The following NPHP1 variants were observed in gnomAD, a reference collection of about 807,000 sequenced individuals.
NPHP1 encodes the protein nephrocystin 1.
In NPHP1, 70 loss-of-function variants were observed where a neutral mutation model predicts 90.4. The observed-to-expected ratio is 0.77, with a 90% confidence interval of 0.64 to 0.95. NPHP1 has a LOEUF of 0.95. NPHP1 is among the 40% of genes least tolerant of loss of function. The pLI is 0.00. For synonymous variants in NPHP1, 256 were observed against 271.7 expected (o/e 0.94, Z 0.57); for missense variants, 764 against 795.9 (o/e 0.96, Z 0.48).
At chr2:110,136,721 T>C (rs953712204) in intron 16 of NPHP1, among the ~76,000 whole-genome samples, 4 of 152,040 alleles carry the variant, frequency 2.6e-5, no homozygotes, top group Admixed American at 2.6e-4. Context: ...ACAGGAAGAA[T>C]CAATATTGTG....
At chr2:110,199,302 C>T (rs1277998465) in intron 2 of NPHP1, among the ~76,000 whole-genome samples, 1 of 151,652 alleles carries the variant, frequency 6.6e-6, no homozygotes, top group Non-Finnish European at 1.5e-5. Context: ...AGTGTGATGG[C>T]GTGAGCCTGT....
chr2:110,133,057 A>G (rs776011486), intron 16 of NPHP1, among the ~76,000 whole-genome samples: 5 of 152,174 alleles, frequency 3.3e-5, no homozygotes, highest in Non-Finnish European at 5.9e-5. Flanking sequence ...GTCCTTCTCT[A>G]TTAGTAATCA....
chr2:110,174,454 C>T (rs780078128), intron 4 of NPHP1, among the ~76,000 whole-genome samples: 7 of 152,162 alleles, frequency 4.6e-5, no homozygotes, highest in Non-Finnish European at 1.0e-4. Context: ...TTAAATATCA[C>T]ATTTCACCAA....
At chr2:110,188,068 G>A (rs1311931559) in intron 2 of NPHP1, among the ~76,000 whole-genome samples, 2 of 152,142 alleles carry the variant, frequency 1.3e-5, no homozygotes, top group Non-Finnish European at 2.9e-5. Context: ...CATACTGAAT[G>A]GGCAAATGCT....
intron 2 of NPHP1, chr2:110,184,827 T>C: frequency 1.4e-6 from 1 of 707,396 alleles, no homozygotes; most frequent in Non-Finnish European, 2.7e-6. Flanking sequence ...ACCATTGAGA[T>C]TGGTCCTTCC....
chr2:110,181,567 A>G (rs1454992878), intron 2 of NPHP1, among the ~76,000 whole-genome samples: 1 of 152,208 alleles, frequency 6.6e-6, no homozygotes, highest in Non-Finnish European at 1.5e-5. Flanking sequence ...GACTGTTAAA[A>G]GAAAAACAAA....
intron 11 of NPHP1, 140 bp downstream of exon 11, chr2:110,159,986 CA>C: frequency 1.3e-6 from 1 of 782,558 alleles, no homozygotes; most frequent in Admixed American, 2.4e-5. Context: ...ATGAATTTTT[CA>C]AAGAGTCATT....
Position 110,184,970 on chromosome 2 carries a change from G to A in NPHP1, c.144-5286C>T, listed in dbSNP as rs117781979. ...GCAGTTCACACTTTTCTCCAACATC[G>A]TCCTCTTGGGAGGCTCTACCTTGTT... On this transcript the variant is annotated intron_variant, in intron 2 of 19. Coordinates refer to ENST00000445609, the MANE Select transcript of NPHP1 (RefSeq NM_001128178.3). The A allele has an allele frequency of 1.7e-3, 1,109 of 642,388 alleles. 9 individuals carry two copies. Among genetic ancestry groups the A allele is most frequent in the East Asian group, 0.016 (407 of 25,858 alleles). The allele number at this position is 642,388 out of a possible 1,614,324, so 39.8% of individuals were successfully genotyped here.
At chr2:110,204,838 AGTG>A in intron 1 of NPHP1, 59 bp downstream of exon 1, 1 of 1,546,112 alleles carries the variant, frequency 6.5e-7, no homozygotes, top group Non-Finnish European at 8.9e-7. Flanking sequence ...GGGAAGGCGC[AGTG>A]CGCGCAGCTG....
chr2:110,153,007 A>T (rs904501747), intron 11 of NPHP1, among the ~76,000 whole-genome samples: 1 of 152,168 alleles, frequency 6.6e-6, no homozygotes, highest in East Asian at 1.9e-4. Context: ...AATTCATGCC[A>T]GATACACCGT....
chr2:110,139,106 A>T (rs1039104195), intron 16 of NPHP1, among the ~76,000 whole-genome samples: 1 of 152,060 alleles, frequency 6.6e-6, no homozygotes, highest in African/African-American at 2.4e-5. Context: ...AGCAACTAAC[A>T]TTATTACCTT....
intron 2 of NPHP1, among the ~76,000 whole-genome samples, chr2:110,189,434 A>C (rs1054330106): frequency 6.6e-6 from 1 of 151,870 alleles, no homozygotes; most frequent in Non-Finnish European, 1.5e-5. Context: ...GGAGTTGTTC[A>C]TTCCTCCCAG....
At chr2:110,153,543 C>A (rs1255928033) in intron 11 of NPHP1, among the ~76,000 whole-genome samples, 2 of 152,122 alleles carry the variant, frequency 1.3e-5, no homozygotes, top group Admixed American at 6.5e-5. Flanking sequence ...AGGTTTTATA[C>A]ATCACTCCAA....
intron 6 of NPHP1, among the ~76,000 whole-genome samples, chr2:110,165,929 G>C (rs1682699480): frequency 6.6e-6 from 1 of 152,090 alleles, no homozygotes; most frequent in Non-Finnish European, 1.5e-5. Context: ...AAAATATTAT[G>C]TATCAATAAA....
intron 16 of NPHP1, among the ~76,000 whole-genome samples, chr2:110,135,402 G>A (rs977432497): frequency 5.4e-5 from 8 of 148,882 alleles, no homozygotes; most frequent in South Asian, 2.1e-4. Context: ...GCGTGAACCC[G>A]GGAGGCGGAG....
chr2:110,204,877 C>T (rs758038970), intron 1 of NPHP1, 23 bp downstream of exon 1: 85 of 1,612,330 alleles, frequency 5.3e-5, no homozygotes, highest in Middle Eastern at 1.7e-4. Flanking sequence ...CGCCCCAGGG[C>T]CCTCTGCACA....
At chr2:110,132,341 G>T (rs753148814) in intron 16 of NPHP1, among the ~76,000 whole-genome samples, 1 of 152,120 alleles carries the variant, frequency 6.6e-6, no homozygotes, top group Non-Finnish European at 1.5e-5. Flanking sequence ...ATTTCAGAAG[G>T]TTACTAAAAG....
At chr2:110,128,132 A>G (rs1183394217) in intron 18 of NPHP1, 1 of 152,092 alleles carries the variant, frequency 6.6e-6, no homozygotes, top group Non-Finnish European at 1.5e-5. Context: ...CCAAGCTAGC[A>G]TATGAATTGG....
In NPHP1 at chr2:110,191,675, G is replaced by T. The variant is rs1033807032; in HGVS notation, c.143+9746C>A. ...AAGACAGTAGTGGTTCTCCCAGCATGCAGCTTGACATCTGAGAACGGACAG... is the reference window on the plus strand; with the variant it reads ...AAGACAGTAGTGGTTCTCCCAGCATTCAGCTTGACATCTGAGAACGGACAG... On this transcript the variant is annotated intron_variant, in intron 2 of 19. Transcript: ENST00000445609. Among the ~76,000 whole-genome samples, 10 of 152,146 alleles carry T rather than the reference G, an allele frequency of 6.6e-5. 1 individual carries two copies. The highest frequency in any genetic ancestry group is 1.0e-4 in the Non-Finnish European group (7 of 68,024).
Sources: allele counts gnomAD v4.1 joint callset (sites outside exome capture counted in the v4.1 genomes callset), GRCh38; gene constraint gnomAD v4.1.1; transcripts MANE v1.5; gene names NCBI Gene and HGNC (gene_info 2026-07-23, HGNC 2026-07-21).